Variants in SPON1 observed in about 807,000 individuals in gnomAD.
SPON1 encodes spondin-1.
In SPON1, 52 loss-of-function variants were observed where a neutral mutation model predicts 111.7. That is an observed-to-expected ratio of 0.47 (90% CI 0.37 to 0.59). The LOEUF (loss-of-function observed/expected upper bound fraction) is 0.59. SPON1 is among the 20% of genes least tolerant of loss of function. The pLI is 0.00. For synonymous variants in SPON1, 410 were observed against 395.8 expected, an observed-to-expected ratio of 1.04 and a Z score of -0.43; for missense variants, 957 against 1,068.5, an observed-to-expected ratio of 0.90 and a Z score of 1.46.
chr11:14,087,131 T>C (rs1849013209), intron 5 of SPON1, among the ~76,000 whole-genome samples: 1 of 152,130 alleles, frequency 6.6e-6, no homozygotes, highest in African/African-American at 2.4e-5. Context: ...AGGGTTTCCA[T>C]GTCTCTATCT....
chr11:14,169,777 G>C (rs1178349142), intron 6 of SPON1, among the ~76,000 whole-genome samples: 226 of 152,180 alleles, frequency 1.5e-3, no homozygotes, highest in African/African-American at 5.2e-3. Context: ...GCTTGTTTTT[G>C]TCAGGTTTGT....
chr11:14,127,696 G>A (rs1017308891), intron 5 of SPON1, among the ~76,000 whole-genome samples: 2 of 152,176 alleles, frequency 1.3e-5, no homozygotes, highest in South Asian at 2.1e-4. Context: ...AACATAGGTC[G>A]AGACCTTGGC....
chr11:14,016,699 A>G (rs1483805660), intron 2 of SPON1, among the ~76,000 whole-genome samples: 2 of 152,252 alleles, frequency 1.3e-5, no homozygotes, highest in African/African-American at 4.8e-5. Flanking sequence ...TTAATACTTT[A>G]AAAATGGAAT....
chr11:14,098,160 T>TA (rs1219405593), intron 5 of SPON1, among the ~76,000 whole-genome samples: 2 of 152,170 alleles, frequency 1.3e-5, no homozygotes, highest in Non-Finnish European at 1.5e-5. Context: ...CACGCCCAGC[T>TA]AATTTTTTGT....
At chr11:13,980,544 TTTA>T (rs749161081) in intron 1 of SPON1, among the ~76,000 whole-genome samples, 14 of 151,974 alleles carry the variant, frequency 9.2e-5, no homozygotes, top group East Asian at 1.9e-4. Context: ...GGTACTTCTT[TTTA>T]TTATTATTAT....
chr11:14,044,951 A>G (rs1848657384), intron 3 of SPON1, among the ~76,000 whole-genome samples: 1 of 152,302 alleles, frequency 6.6e-6, no homozygotes, highest in African/African-American at 2.4e-5. Flanking sequence ...GGACATTTAG[A>G]TTGTTTCTGG....
intron 1 of SPON1, among the ~76,000 whole-genome samples, chr11:13,966,815 T>C (rs1308157040): frequency 2.0e-5 from 3 of 152,178 alleles, no homozygotes; most frequent in African/African-American, 7.2e-5. Flanking sequence ...CCACTTCACC[T>C]CTCTGAGCCA....
chr11:14,143,862 G>A (rs1176319487), intron 6 of SPON1, among the ~76,000 whole-genome samples: 1 of 152,122 alleles, frequency 6.6e-6, no homozygotes, highest in Non-Finnish European at 1.5e-5. Flanking sequence ...GACATTACTA[G>A]GCCTAAACAC....
At chr11:14,138,217 A>G (rs964852676) in intron 6 of SPON1, among the ~76,000 whole-genome samples, 3 of 152,310 alleles carry the variant, frequency 2.0e-5, no homozygotes, top group Non-Finnish European at 4.4e-5. Context: ...GCATTCTCTT[A>G]TTATAAACTT....
intron 5 of SPON1, among the ~76,000 whole-genome samples, chr11:14,120,426 G>GCTT (rs111571240): frequency 0.022 from 3,291 of 152,028 alleles, 116 homozygotes; most frequent in African/African-American, 0.075. Context: ...TGCCTTTTCA[G>GCTT]CTTGTCAGTT....
At chr11:14,139,102 C>T (rs1847622813) in intron 6 of SPON1, among the ~76,000 whole-genome samples, 1 of 152,172 alleles carries the variant, frequency 6.6e-6, no homozygotes. Context: ...AATTCCTTAT[C>T]AAAGCCTGAA....
chr11:13,990,664 T>C (rs1470890807), intron 2 of SPON1, among the ~76,000 whole-genome samples: 1 of 152,068 alleles, frequency 6.6e-6, no homozygotes, highest in Non-Finnish European at 1.5e-5. Context: ...TTCTTCATAG[T>C]GTCGATATTC....
Position 14,157,666 on chromosome 11 carries a change from A to G in SPON1, c.825+22098A>G, listed in dbSNP as rs138854788. 3.6e-3 allele frequency among the ~76,000 whole-genome samples: 553 copies of G among 152,124 alleles called. 3 individuals are homozygous for G. Among genetic ancestry groups the G allele is most frequent in the African/African-American group, 0.012 (506 of 41,524 alleles). On this transcript the variant is annotated intron_variant, in intron 6 of 15. Coordinates refer to ENST00000576479, the MANE Select transcript of SPON1 (RefSeq NM_006108.4). Reference sequence around the variant, plus strand: ...CCTTTCCTTCTGGAACTTTAATTATATATATGTTCAACTTTATCATCATTT... The same window carrying G: ...CCTTTCCTTCTGGAACTTTAATTATGTATATGTTCAACTTTATCATCATTT...
At chr11:14,133,888 C>T (rs1847558279) in intron 5 of SPON1, among the ~76,000 whole-genome samples, 1 of 152,140 alleles carries the variant, frequency 6.6e-6, no homozygotes, top group Non-Finnish European at 1.5e-5. Context: ...ATGTCCTCTG[C>T]CTGGGGTGGG....
intron 2 of SPON1, among the ~76,000 whole-genome samples, chr11:14,027,052 C>G (rs1848523905): frequency 1.3e-5 from 2 of 152,170 alleles, no homozygotes; most frequent in Non-Finnish European, 2.9e-5. Context: ...CTGGGATGAT[C>G]TGGGCTGAGT....
At chr11:13,980,052 T>TC (rs1207815645) in intron 1 of SPON1, among the ~76,000 whole-genome samples, 5 of 151,932 alleles carry the variant, frequency 3.3e-5, no homozygotes, top group Non-Finnish European at 4.4e-5. Context: ...ATTCCTTCTT[T>TC]TTTTTTTTGA....
chr11:14,095,252 A>G (rs1375611282), intron 5 of SPON1, among the ~76,000 whole-genome samples: 1 of 152,128 alleles, frequency 6.6e-6, no homozygotes, highest in Non-Finnish European at 1.5e-5. Flanking sequence ...AATAAAACCA[A>G]GCATTTCTGG....
intron 5 of SPON1, among the ~76,000 whole-genome samples, chr11:14,115,660 C>G (rs1357085611): frequency 6.6e-6 from 1 of 152,128 alleles, no homozygotes; most frequent in Non-Finnish European, 1.5e-5. Flanking sequence ...TTTCATTTAT[C>G]TATCCTATTA....
At chr11:14,208,834 T>C (rs1848543078) in intron 6 of SPON1, among the ~76,000 whole-genome samples, 1 of 152,192 alleles carries the variant, frequency 6.6e-6, no homozygotes, top group Non-Finnish European at 1.5e-5. Flanking sequence ...TCTATATGCC[T>C]GGTTTTGTGA....
Sources: gnomAD v4.1 joint callset for allele counts (sites outside exome capture counted in the v4.1 genomes callset) on GRCh38, gnomAD v4.1.1 for gene constraint, MANE v1.5 for transcripts, NCBI Gene and HGNC (gene_info 2026-07-23, HGNC 2026-07-21) for gene names.